Variants in FHIT observed in about 807,000 individuals in gnomAD.
The protein encoded by FHIT is fragile histidine triad diadenosine triphosphatase.
A neutral mutation model predicts 17.9 loss-of-function variants in FHIT; 19 were observed. The observed-to-expected ratio is 1.06, with a 90% confidence interval of 0.74 to 1.56. The LOEUF is 1.56. Among genes scored for constraint, FHIT ranks in the 40% most tolerant of loss-of-function variants. FHIT has a pLI of 0.00. For missense variants in FHIT, 248 were observed against 189.2 expected, an observed-to-expected ratio of 1.31 and a Z score of -1.82; for synonymous variants, 81 against 69.7, an observed-to-expected ratio of 1.16 and a Z score of -0.81.
intron 5 of FHIT, among the ~76,000 whole-genome samples, chr3:60,148,729 T>G (rs532142462): frequency 6.6e-6 from 1 of 152,294 alleles, no homozygotes; most frequent in African/African-American, 2.4e-5. Flanking sequence ...AATTAAGACC[T>G]TGGGATTCTT....
At chr3:60,475,966 A>T (rs2107460722) in intron 5 of FHIT, among the ~76,000 whole-genome samples, 1 of 152,336 alleles carries the variant, frequency 6.6e-6, no homozygotes, top group East Asian at 1.9e-4. Context: ...TGTGGGAAAT[A>T]ACACACAGGG....
chr3:61,243,847 C>T (rs1369972279), intron 1 of FHIT, among the ~76,000 whole-genome samples: 1 of 151,796 alleles, frequency 6.6e-6, no homozygotes, highest in Non-Finnish European at 1.5e-5. Context: ...AAAGAGTGTC[C>T]CTGGTAGTTA....
chr3:60,827,613 T>C (rs1274712598), intron 3 of FHIT, among the ~76,000 whole-genome samples: 1 of 152,252 alleles, frequency 6.6e-6, no homozygotes, highest in African/African-American at 2.4e-5. Flanking sequence ...TAAGTACTTA[T>C]AATAATGTGG....
chr3:60,693,540 C>T (rs919107145), intron 4 of FHIT, among the ~76,000 whole-genome samples: 1 of 152,116 alleles, frequency 6.6e-6, no homozygotes. Context: ...AGGCTAAACT[C>T]GTGGGTAAAT....
rs1701103010 is a variant in FHIT, at chr3:60,033,877, C to A, written c.104-19725G>T. The stretch of plus-strand genomic sequence containing the variant: ...CAAGTATTAGCATCATCAACATTAT[C>A]ATTTATGTTCTCAAAAGTCAAAACT... On this transcript the variant is annotated intron_variant, in intron 5 of 9. Coordinates refer to ENST00000492590, the MANE Select transcript of FHIT (RefSeq NM_002012.4). 1.3e-5 allele frequency among the ~76,000 whole-genome samples: 2 copies of A among 152,188 alleles called. 1 individual carries two copies.
rs575357490 is a variant in FHIT at position 60,103,963 on chromosome 3, T to G, written c.104-89811A>C. Among the ~76,000 whole-genome samples, 7 of 152,306 alleles carry G rather than the reference T, an allele frequency of 4.6e-5. No individual in the cohort carries two copies. In the South Asian group the frequency reaches 8.3e-4, roughly 18 times the overall value. On this transcript the variant is annotated intron_variant, in intron 5 of 9. Transcript: ENST00000492590. Reference sequence around the variant, plus strand: ...TGCTTTCCCTCCTTATAGACACTTCTGAAGCAGAAAGGAAGTAATTCCTAT... The same window carrying G: ...TGCTTTCCCTCCTTATAGACACTTCGGAAGCAGAAAGGAAGTAATTCCTAT...
intron 7 of FHIT, among the ~76,000 whole-genome samples, chr3:59,984,951 T>G (rs1384937853): frequency 2.6e-5 from 4 of 151,996 alleles, no homozygotes; most frequent in African/African-American, 9.7e-5. Flanking sequence ...AAGCCAGGTG[T>G]GTTGAGGTCT....
intron 5 of FHIT, among the ~76,000 whole-genome samples, chr3:60,357,249 G>A (rs140688541): frequency 5.3e-5 from 8 of 152,044 alleles, no homozygotes; most frequent in East Asian, 1.9e-4. Context: ...TCTGTGTCGC[G>A]CAGGCTGGTA....
chr3:60,572,209 A>G (rs1332923929), intron 4 of FHIT, among the ~76,000 whole-genome samples: 2 of 152,140 alleles, frequency 1.3e-5, no homozygotes, highest in African/African-American at 4.8e-5. Flanking sequence ...GGCAGTACAG[A>G]CTGCTTTGAA....
intron 5 of FHIT, among the ~76,000 whole-genome samples, chr3:60,494,218 A>G (rs1183329629): frequency 6.6e-6 from 1 of 152,076 alleles, no homozygotes; most frequent in African/African-American, 2.4e-5. Context: ...ATTCCCCACT[A>G]CCCACTCCTA....
At chr3:61,035,300 A>C (rs188572821) in intron 3 of FHIT, among the ~76,000 whole-genome samples, 3 of 152,304 alleles carry the variant, frequency 2.0e-5, no homozygotes, top group Admixed American at 2.0e-4. Context: ...CTCTTATCTT[A>C]ATAAATTTTT....
At chr3:61,001,482 G>A (rs1367598841) in intron 3 of FHIT, among the ~76,000 whole-genome samples, 2 of 152,088 alleles carry the variant, frequency 1.3e-5, no homozygotes, top group Admixed American at 6.5e-5. Context: ...GCAATACAAA[G>A]GAATGAACTA....
chr3:61,102,102 G>A (rs2035850265), intron 2 of FHIT, among the ~76,000 whole-genome samples: 1 of 152,154 alleles, frequency 6.6e-6, no homozygotes, highest in Non-Finnish European at 1.5e-5. Flanking sequence ...TTGAATAGGA[G>A]TGGTGAGAGA....
At chr3:61,082,827 T>TA (rs1420337536) in intron 2 of FHIT, among the ~76,000 whole-genome samples, 1 of 152,220 alleles carries the variant, frequency 6.6e-6, no homozygotes, top group African/African-American at 2.4e-5. Flanking sequence ...TCCTCTTTTG[T>TA]AAAGGGCTTG....
At chr3:60,330,669 A>C (rs1191434316) in intron 5 of FHIT, among the ~76,000 whole-genome samples, 2 of 152,228 alleles carry the variant, frequency 1.3e-5, no homozygotes, top group African/African-American at 4.8e-5. Flanking sequence ...AAATGCCTAA[A>C]AGATGTATGT....
intron 7 of FHIT, among the ~76,000 whole-genome samples, chr3:59,998,764 C>CT (rs1179028717): frequency 6.6e-6 from 1 of 152,112 alleles, no homozygotes; most frequent in Non-Finnish European, 1.5e-5. Flanking sequence ...TTCCTGTCCC[C>CT]TTCCCTACAG....
At chr3:59,986,177 A>G (rs1452695191) in intron 7 of FHIT, among the ~76,000 whole-genome samples, 4 of 152,024 alleles carry the variant, frequency 2.6e-5, no homozygotes. Flanking sequence ...TTTCTTGGGA[A>G]AACTCAGACA....
chr3:60,053,596 C>T (rs1354923633), intron 5 of FHIT, among the ~76,000 whole-genome samples: 1 of 151,908 alleles, frequency 6.6e-6, no homozygotes. Context: ...ACTCTATCAA[C>T]ATTAATGCCT....
intron 7 of FHIT, among the ~76,000 whole-genome samples, chr3:59,937,574 G>A (rs1254617066): frequency 1.3e-5 from 2 of 152,134 alleles, no homozygotes; most frequent in East Asian, 3.9e-4. Flanking sequence ...GTTTACTGTG[G>A]GAATTGGAGC....
Sources: gnomAD v4.1 joint callset for allele counts (sites outside exome capture counted in the v4.1 genomes callset) on GRCh38, gnomAD v4.1.1 for gene constraint, MANE v1.5 for transcripts, NCBI Gene and HGNC (gene_info 2026-07-23, HGNC 2026-07-21) for gene names.